TNRC6B: variants seen among roughly 807,000 people sequenced by gnomAD.
The protein encoded by TNRC6B is trinucleotide repeat containing adaptor 6B, also known as trinucleotide repeat-containing gene 6B protein.
In TNRC6B, 52 loss-of-function variants were observed where a neutral mutation model predicts 203.6. That is an observed-to-expected ratio of 0.26 (90% CI 0.20 to 0.32). TNRC6B has a LOEUF of 0.32. Ranked by LOEUF, TNRC6B falls within the 10% of genes least tolerant of loss-of-function variation. The pLI is 1.00. For missense variants in TNRC6B, 1,923 were observed against 2,286.2 expected (o/e 0.84, Z 3.24); for synonymous variants, 838 against 845.7 (o/e 0.99, Z 0.16).
At chr22:40,107,689 A>G (rs1489446103) in intron 1 of TNRC6B, among the ~76,000 whole-genome samples, 2 of 152,118 alleles carry the variant, frequency 1.3e-5, no homozygotes, top group Non-Finnish European at 2.9e-5. Context: ...ATTGCAGGAT[A>G]ATTTCAGAAC....
intron 3 of TNRC6B, among the ~76,000 whole-genome samples, chr22:40,136,554 C>T (rs2068601723): frequency 6.6e-6 from 1 of 151,738 alleles, no homozygotes; most frequent in Non-Finnish European, 1.5e-5. Context: ...TGCATGCCAC[C>T]ACACCGAGCT....
chr22:40,272,070 G>A (rs763072), intron 6 of TNRC6B, among the ~76,000 whole-genome samples: 97,158 of 152,034 alleles, frequency 0.64, 34,715 homozygotes, highest in East Asian at 0.99. Context: ...TGGGTTTTTA[G>A]CTCGTGTTGC....
chr22:40,282,109 A>G (rs993838169), intron 11 of TNRC6B, among the ~76,000 whole-genome samples: 41 of 152,162 alleles, frequency 2.7e-4, no homozygotes, highest in Admixed American at 6.5e-5. Context: ...TGTGACCTTC[A>G]CCTCAGGACG....
intron 1 of TNRC6B, among the ~76,000 whole-genome samples, chr22:40,075,832 C>A (rs2068008790): frequency 2.0e-5 from 3 of 152,214 alleles, no homozygotes; most frequent in African/African-American, 7.2e-5. Flanking sequence ...TGCAGTCTGC[C>A]TTAAAATAAT....
chr22:40,197,761 C>T (rs752524273), intron 1 of TNRC6B, among the ~76,000 whole-genome samples: 77 of 151,680 alleles, frequency 5.1e-4, no homozygotes, highest in Non-Finnish European at 6.9e-4. Context: ...CATGAGCCAC[C>T]GTGCCTGGCT....
At chr22:40,287,321 TG>T (rs891022521) in intron 12 of TNRC6B, among the ~76,000 whole-genome samples, 2 of 152,230 alleles carry the variant, frequency 1.3e-5, no homozygotes, top group African/African-American at 2.4e-5. Context: ...TTTTGTTTTT[TG>T]AAATGCCCTT....
chr22:40,138,112 G>A (rs756047617), intron 3 of TNRC6B, among the ~76,000 whole-genome samples: 10 of 152,138 alleles, frequency 6.6e-5, no homozygotes, highest in Non-Finnish European at 1.0e-4. Flanking sequence ...GAAGGCTTTT[G>A]AAATAAGGCA....
rs34769532 is a variant in TNRC6B at position 40,225,742 on chromosome 22, CAAAAAA to C, written c.6-20253_6-20248del. On this transcript the variant is annotated intron_variant, in intron 1 of 22. Coordinates refer to ENST00000454349, the MANE Select transcript of TNRC6B (RefSeq NM_001162501.2). ...TGAGCGACAGAGTGAGACTCCGTCT[CAAAAAA>C]AAAAAAAAAAAAAAAAAAAGAAGGA... 4.8e-4 allele frequency among the ~76,000 whole-genome samples: 31 copies of C among 64,376 alleles called. 1 individual carries two copies. The highest frequency in any genetic ancestry group is 4.3e-4 in the Admixed American group (2 of 4,668). 42.2% of individuals were successfully genotyped at this position (64,376 alleles called of 152,430 possible).
intron 1 of TNRC6B, among the ~76,000 whole-genome samples, chr22:40,220,180 A>G (rs1455108554): frequency 6.6e-6 from 1 of 152,136 alleles, no homozygotes; most frequent in African/African-American, 2.4e-5. Context: ...CGAGCTCTGA[A>G]TCTATACTGC....
intron 12 of TNRC6B, among the ~76,000 whole-genome samples, chr22:40,288,258 G>T (rs1246682452): frequency 1.4e-5 from 2 of 146,436 alleles, no homozygotes; most frequent in African/African-American, 4.9e-5. Flanking sequence ...GCTACTTAAA[G>T]ACACAGTTCC....
chr22:40,158,763 T>C (rs2068842948), intron 4 of TNRC6B, among the ~76,000 whole-genome samples: 1 of 152,220 alleles, frequency 6.6e-6, no homozygotes, highest in Non-Finnish European at 1.5e-5. Flanking sequence ...GGTCAGCTAT[T>C]ACATACTGAA....
intron 1 of TNRC6B, among the ~76,000 whole-genome samples, chr22:40,237,799 C>T (rs564968660): frequency 2.0e-5 from 3 of 150,742 alleles, no homozygotes; most frequent in African/African-American, 7.2e-5. Context: ...AGGCAGCCCC[C>T]TCTTCCCATC....
chr22:40,153,843 A>G (rs1366018952), intron 3 of TNRC6B, among the ~76,000 whole-genome samples: 1 of 151,192 alleles, frequency 6.6e-6, no homozygotes, highest in African/African-American at 2.4e-5. Flanking sequence ...AATAATGTAT[A>G]TGTATTTAAT....
chr22:40,316,087 G>C, intron 21 of TNRC6B, 75 bp downstream of exon 21: 1 of 1,365,678 alleles, frequency 7.3e-7, no homozygotes, highest in Non-Finnish European at 1.0e-6. Flanking sequence ...GGGCATGGTG[G>C]CTCATGCCTG....
intron 11 of TNRC6B, among the ~76,000 whole-genome samples, chr22:40,283,733 G>A (rs996234179): frequency 6.6e-6 from 1 of 152,142 alleles, no homozygotes; most frequent in African/African-American, 2.4e-5. Flanking sequence ...AACCTATGGT[G>A]GGGGAGGGTG....
intron 1 of TNRC6B, among the ~76,000 whole-genome samples, chr22:40,188,329 T>A (rs2069230895): frequency 6.6e-6 from 1 of 152,218 alleles, no homozygotes; most frequent in South Asian, 2.1e-4. Context: ...TCAGTTGACA[T>A]AGAGAAGCTT....
intron 3 of TNRC6B, among the ~76,000 whole-genome samples, chr22:40,255,839 T>TTTGC (rs1230552307): frequency 6.7e-6 from 1 of 148,504 alleles, no homozygotes; most frequent in Non-Finnish European, 1.5e-5. Context: ...CAGGTGTTTG[T>TTTGC]TTGCTTGTTT....
intron 1 of TNRC6B, among the ~76,000 whole-genome samples, chr22:40,097,492 A>G (rs2068194942): frequency 6.6e-6 from 1 of 151,970 alleles, no homozygotes. Context: ...ATATTTTTGT[A>G]GAGATTGGGT....
At chr22:40,293,714 G>A (rs2070899936) in intron 12 of TNRC6B, among the ~76,000 whole-genome samples, 1 of 151,994 alleles carries the variant, frequency 6.6e-6, no homozygotes, top group East Asian at 1.9e-4. Context: ...CCCTAGGAGT[G>A]TAATAAGCTT....
Sources: allele counts gnomAD v4.1 joint callset (sites outside exome capture counted in the v4.1 genomes callset), GRCh38; gene constraint gnomAD v4.1.1; transcripts MANE v1.5; gene names NCBI Gene and HGNC (gene_info 2026-07-23, HGNC 2026-07-21).